Variants in SLC67A1 observed in about 807,000 individuals in gnomAD.
SLC67A1 encodes the protein solute carrier family 67 member A1.
the SLC67A1 span, chr11:2,915,211 T>A: frequency 4.1e-6 from 4 of 985,334 alleles, no homozygotes; most frequent in Non-Finnish European, 4.8e-6. Context: ...ACTGTCCTAG[T>A]CAGTGTGGCT....
chr11:2,922,701 G>GTCTGTGTGGAGTGTGTGGGGTGGGTGGGT, the SLC67A1 span: 1 of 202,762 alleles, frequency 4.9e-6, no homozygotes, highest in Non-Finnish European at 1.0e-5. Context: ...AGTGGGTGGG[G>GTCTGTGTGGAGTGTGTGGGGTGGGTGGGT]TGGGGGCTTG....
the SLC67A1 span, among the ~76,000 whole-genome samples, chr11:2,915,741 C>T: frequency 1.3e-5 from 2 of 149,884 alleles, no homozygotes; most frequent in South Asian, 2.1e-4. Context: ...CGGCACAGGC[C>T]TGGAGGCCTT....
At chr11:2,912,304 G>T in the SLC67A1 span, among the ~76,000 whole-genome samples, 1 of 152,240 alleles carries the variant, frequency 6.6e-6, no homozygotes, top group African/African-American at 2.4e-5. Flanking sequence ...AAGGCAGTGG[G>T]GCCAGGTGCC....
the SLC67A1 span, among the ~76,000 whole-genome samples, chr11:2,900,692 CAAAAA>C: frequency 3.9e-4 from 23 of 59,646 alleles, 1 homozygote; most frequent in Middle Eastern, 0.01. Flanking sequence ...GACTCCGTCT[CAAAAA>C]AAAAAAAAAA....
the SLC67A1 span, chr11:2,902,659 TCCCACCAGTTGGAGG>T: frequency 2.1e-6 from 2 of 953,322 alleles, no homozygotes; most frequent in Non-Finnish European, 2.5e-6. Context: ...AAAATCCAGT[TCCCACCAGTTGGAGG>T]CCGGGCGGGG....
At chr11:2,923,018 A>G in the SLC67A1 span, among the ~76,000 whole-genome samples, 15 of 152,206 alleles carry the variant, frequency 9.9e-5, no homozygotes, top group African/African-American at 3.4e-4. This position sits in a 1 kb window ranked among gnomAD's most constrained non-coding sequence, Gnocchi z 6.5. Context: ...ACTGCAGGGG[A>G]CACAGGTCCC....
the SLC67A1 span, chr11:2,920,938 A>T: frequency 1.3e-5 from 2 of 152,074 alleles, no homozygotes; most frequent in Non-Finnish European, 2.9e-5. Flanking sequence ...GAAACGTGTT[A>T]GGCCGGGCGC....
chr11:2,909,444 C>T, the SLC67A1 span: 1 of 1,393,028 alleles, frequency 7.2e-7, no homozygotes, highest in Middle Eastern at 2.6e-4. Context: ...GGTCTGCGTG[C>T]GCGCGGGGTC....
chr11:2,903,105 A>C, the SLC67A1 span: 44 of 856,728 alleles, frequency 5.1e-5, no homozygotes, highest in Non-Finnish European at 6.3e-5. Context: ...CCTGGAGACC[A>C]GAGCTGTCAA....
chr11:2,899,843 G>A, the SLC67A1 span: 1 of 914,326 alleles, frequency 1.1e-6, no homozygotes. Flanking sequence ...CTCAGCGCCA[G>A]AGGACCCTCA....
chr11:2,902,552 C>G, the SLC67A1 span: 1 of 985,204 alleles, frequency 1.0e-6, no homozygotes, highest in Non-Finnish European at 1.2e-6. Flanking sequence ...CAGGGGTCTC[C>G]CCGCCCTACC....
chr11:2,920,045 T>G, the SLC67A1 span: 68,184 of 151,928 alleles, frequency 0.45, 16,462 homozygotes, highest in East Asian at 0.74. Context: ...AGGTGATGAT[T>G]TGCCACCACC....
the SLC67A1 span, chr11:2,916,412 A>T: frequency 1.4e-5 from 7 of 510,046 alleles, no homozygotes; most frequent in African/African-American, 1.2e-4. Context: ...AGGGTCAGGG[A>T]TGGTGAGCGC....
chr11:2,909,829 G>A, the SLC67A1 span: 3 of 1,126,146 alleles, frequency 2.7e-6, no homozygotes, highest in Non-Finnish European at 3.6e-6. Flanking sequence ...GAGTGGCCAC[G>A]TGATGTGGCT....
chr11:2,903,389 G>A, the SLC67A1 span: 1 of 1,613,086 alleles, frequency 6.2e-7, no homozygotes, highest in South Asian at 1.1e-5. Context: ...CGGTCCCCCG[G>A]CAGGATGAGC....
At chr11:2,914,018 T>C in the SLC67A1 span, among the ~76,000 whole-genome samples, 1 of 48,476 alleles carries the variant, frequency 2.1e-5, no homozygotes, top group African/African-American at 4.2e-5. Flanking sequence ...AACAGTGGAG[T>C]TAGGGGCAGC....
the SLC67A1 span, chr11:2,903,774 G>A: frequency 2.1e-5 from 10 of 477,426 alleles, no homozygotes; most frequent in Admixed American, 1.0e-4. Context: ...CCTTCCTAGC[G>A]CTGTTCCTCC....
chr11:2,901,953 C>T, the SLC67A1 span, among the ~76,000 whole-genome samples: 1 of 152,190 alleles, frequency 6.6e-6, no homozygotes, highest in Non-Finnish European at 1.5e-5. Flanking sequence ...CCGGTCCCAT[C>T]CCCTGCCCAC....
the SLC67A1 span, among the ~76,000 whole-genome samples, chr11:2,907,863 C>T: frequency 0.018 from 2,761 of 152,238 alleles, 93 homozygotes; most frequent in African/African-American, 0.063. This position sits in a 1 kb window ranked among gnomAD's most constrained non-coding sequence, Gnocchi z 6.7. Context: ...CACTTGGGGG[C>T]CTTGGGACAA....
Sources: allele counts gnomAD v4.1 joint callset (sites outside exome capture counted in the v4.1 genomes callset), GRCh38; gene constraint gnomAD v4.1.1; non-coding constraint Gnocchi (gnomAD v3.1); transcripts MANE v1.5; gene names NCBI Gene and HGNC (gene_info 2026-07-23, HGNC 2026-07-21).